COL25A1: variants seen among roughly 807,000 people sequenced by gnomAD.
COL25A1 encodes the protein collagen type XXV alpha 1 chain.
Under a neutral mutation model 128.4 loss-of-function variants are expected in COL25A1, and 103 were observed. The ratio of observed to expected loss-of-function variants is 0.80; its 90% CI spans 0.68 to 0.94. The LOEUF is 0.94. Ranked by LOEUF, COL25A1 falls within the 40% of genes least tolerant of loss-of-function variation. The pLI, the probability that COL25A1 is intolerant of heterozygous loss-of-function variation, is 0.00. For missense variants in COL25A1, 745 were observed against 840.0 expected, an observed-to-expected ratio of 0.89 and a Z score of 1.40; for synonymous variants, 279 against 277.2, an observed-to-expected ratio of 1.01 and a Z score of -0.06.
chr4:109,284,310 AG>A (rs1237253798), intron 3 of COL25A1, among the ~76,000 whole-genome samples: 3 of 152,244 alleles, frequency 2.0e-5, no homozygotes, highest in African/African-American at 7.2e-5. Context: ...CTGTAATCCC[AG>A]CTACTCAGGA....
intron 31 of COL25A1, among the ~76,000 whole-genome samples, chr4:108,840,783 T>C (rs1734353790): frequency 6.6e-6 from 1 of 152,214 alleles, no homozygotes; most frequent in Non-Finnish European, 1.5e-5. Context: ...CAGAACCAAG[T>C]ATCACATAGC....
At chr4:108,912,908 C>T (rs960789240) in intron 13 of COL25A1, among the ~76,000 whole-genome samples, 1 of 152,096 alleles carries the variant, frequency 6.6e-6, no homozygotes, top group Non-Finnish European at 1.5e-5. Context: ...TAACTATAAA[C>T]TAATTAAAAT....
At chr4:109,029,077 G>A (rs776210174) in intron 5 of COL25A1, among the ~76,000 whole-genome samples, 23 of 152,126 alleles carry the variant, frequency 1.5e-4, no homozygotes, top group Non-Finnish European at 3.1e-4. Flanking sequence ...AAAAGGGAGT[G>A]GGAGCTATAA....
chr4:109,204,888 C>T (rs1249964037), intron 3 of COL25A1, among the ~76,000 whole-genome samples: 4 of 152,128 alleles, frequency 2.6e-5, no homozygotes, highest in Admixed American at 6.6e-5. Context: ...TGCAGCTAAA[C>T]GGCAGTTCTG....
chr4:109,271,415 G>A (rs1417569582), intron 3 of COL25A1, among the ~76,000 whole-genome samples: 1 of 152,144 alleles, frequency 6.6e-6, no homozygotes. Flanking sequence ...AGCTAATAAA[G>A]AGAATAAATA....
intron 3 of COL25A1, among the ~76,000 whole-genome samples, chr4:109,091,613 A>G (rs376467978): frequency 6.6e-6 from 1 of 152,146 alleles, no homozygotes; most frequent in Non-Finnish European, 1.5e-5. Flanking sequence ...TCTCAAGAGC[A>G]TATATCACTT....
At chr4:109,018,375 C>A (rs1757403240) in intron 5 of COL25A1, among the ~76,000 whole-genome samples, 1 of 152,182 alleles carries the variant, frequency 6.6e-6, no homozygotes, top group African/African-American at 2.4e-5. Flanking sequence ...CAGGCACGCT[C>A]CACCACTCCC....
At chr4:108,843,640 G>T (rs1371803619) in intron 30 of COL25A1, among the ~76,000 whole-genome samples, 1 of 152,158 alleles carries the variant, frequency 6.6e-6, no homozygotes, top group East Asian at 1.9e-4. Context: ...CTGGCTCAAT[G>T]AATCAATCAA....
rs1430039028 is a variant in COL25A1, at chr4:109,006,500, A to T, written c.438+3858T>A. Among the ~76,000 whole-genome samples, 25 of 145,120 alleles carry T rather than the reference A, an allele frequency of 1.7e-4. No individual in the cohort carries two copies. In the Admixed American group the frequency reaches 1.9e-3, roughly 11 times the overall value. The stretch of plus-strand genomic sequence containing the variant: ...AGTGATCTGCCTGCCTTGGCCTCCC[A>T]AAGTGTTGGGATTACAGGTGTGAGC... On this transcript the variant is annotated intron_variant, in intron 6 of 37. Transcript: ENST00000399132.
At chr4:109,120,368 T>C (rs1275191501) in intron 3 of COL25A1, among the ~76,000 whole-genome samples, 1 of 152,080 alleles carries the variant, frequency 6.6e-6, no homozygotes, top group Middle Eastern at 3.2e-3. Context: ...TATGATTGCC[T>C]ATGGAGAAAA....
At chr4:109,117,682 T>C (rs1355722870) in intron 3 of COL25A1, among the ~76,000 whole-genome samples, 1 of 151,976 alleles carries the variant, frequency 6.6e-6, no homozygotes, top group Non-Finnish European at 1.5e-5. Flanking sequence ...CAGTTATGTG[T>C]GCTCATGTGT....
At chr4:108,916,326 T>C (rs987225461) in intron 13 of COL25A1, among the ~76,000 whole-genome samples, 6 of 152,218 alleles carry the variant, frequency 3.9e-5, no homozygotes, top group African/African-American at 1.4e-4. Flanking sequence ...ATATTAACTA[T>C]TTCCTTGAAA....
Position 108,860,912 on chromosome 4 carries a change from G to C in COL25A1, c.1242+15C>G, listed in dbSNP as rs760986410. 6 of 1,612,110 alleles carry C rather than the reference G, an allele frequency of 3.7e-6. No homozygotes were observed. The highest frequency in any genetic ancestry group is 5.1e-6 in the Non-Finnish European group (6 of 1,178,388). On this transcript the variant is annotated intron_variant, in intron 23 of 37. Transcript: ENST00000399132. ...GTAGGGAGCAAAAGTTTAGATGGATGAGAGGAACACTCACCCTTGGTCCCT... is the reference window on the plus strand; with the variant it reads ...GTAGGGAGCAAAAGTTTAGATGGATCAGAGGAACACTCACCCTTGGTCCCT...
chr4:109,073,042 T>G (rs961889912), intron 3 of COL25A1, among the ~76,000 whole-genome samples: 46 of 152,150 alleles, frequency 3.0e-4, no homozygotes, highest in African/African-American at 1.1e-3. Context: ...TTTACCATTA[T>G]TCCTTCAGTT....
At chr4:109,025,171 A>G (rs960196317) in intron 5 of COL25A1, among the ~76,000 whole-genome samples, 3 of 152,240 alleles carry the variant, frequency 2.0e-5, no homozygotes, top group African/African-American at 7.2e-5. Context: ...GCATGGAATC[A>G]GGATTGGCAA....
chr4:109,031,857 GCT>G (rs1758898380), intron 5 of COL25A1, among the ~76,000 whole-genome samples: 2 of 152,062 alleles, frequency 1.3e-5, no homozygotes, highest in Non-Finnish European at 2.9e-5. Flanking sequence ...TCCCATCCAT[GCT>G]CTCAGCTTTC....
chr4:109,215,247 T>A (rs968709996), intron 3 of COL25A1, among the ~76,000 whole-genome samples: 4 of 152,162 alleles, frequency 2.6e-5, no homozygotes, highest in Admixed American at 1.3e-4. Flanking sequence ...AGATTTGTTT[T>A]CTTAAATGAA....
intron 8 of COL25A1, among the ~76,000 whole-genome samples, chr4:108,954,969 C>T (rs1419194268): frequency 6.6e-6 from 1 of 150,714 alleles, no homozygotes; most frequent in Non-Finnish European, 1.5e-5. Context: ...AATGGGTCTT[C>T]GATTTCAGTA....
Position 108,813,907 on chromosome 4 carries a change from T to G in COL25A1, c.*20A>C. ...ATGGACCCTTATATACACAACTTCA[T>G]GCTTGAAAGGTTAGATTCATCACTG... On this transcript the variant is annotated 3_prime_UTR_variant, in exon 38 of 38. Coordinates refer to ENST00000399132, the MANE Select transcript of COL25A1 (RefSeq NM_198721.4). 2.5e-6 allele frequency: 4 copies of G among 1,588,094 alleles called. No homozygotes were observed. Among genetic ancestry groups the G allele is most frequent in the Non-Finnish European group, 3.5e-6 (4 of 1,158,750 alleles).
Sources: gnomAD v4.1 joint callset for allele counts (sites outside exome capture counted in the v4.1 genomes callset) on GRCh38, gnomAD v4.1.1 for gene constraint, MANE v1.5 for transcripts, NCBI Gene and HGNC (gene_info 2026-07-23, HGNC 2026-07-21) for gene names.